The following GABRG3 variants were observed in gnomAD, a reference collection of about 807,000 sequenced individuals.
The protein encoded by GABRG3 is gamma-aminobutyric acid receptor subunit gamma-3.
In GABRG3, 25 loss-of-function variants were observed where a neutral mutation model predicts 48.8. That is an observed-to-expected ratio of 0.51 (90% CI 0.37 to 0.72). The LOEUF (loss-of-function observed/expected upper bound fraction) is 0.72. Among genes scored for constraint, GABRG3 ranks in the 30% least tolerant of loss-of-function variants. GABRG3 has a pLI of 0.00. For synonymous variants in GABRG3, 227 were observed against 217.6 expected (o/e 1.04, Z -0.38); for missense variants, 394 against 577.9 (o/e 0.68, Z 3.26).
At chr15:27,090,138 T>C (rs1237698196) in intron 3 of GABRG3, among the ~76,000 whole-genome samples, 2 of 152,216 alleles carry the variant, frequency 1.3e-5, no homozygotes, top group African/African-American at 4.8e-5. Context: ...ACCATACTTT[T>C]GAGTACCCAC....
chr15:27,099,304 C>T (rs1477178188), intron 3 of GABRG3, among the ~76,000 whole-genome samples: 1 of 152,160 alleles, frequency 6.6e-6, no homozygotes. Flanking sequence ...CCAAGCATCA[C>T]AGCCTGGGCA....
At chr15:27,308,397 A>C (rs898444332) in intron 3 of GABRG3, among the ~76,000 whole-genome samples, 2 of 145,318 alleles carry the variant, frequency 1.4e-5, no homozygotes, top group African/African-American at 2.5e-5. Context: ...ATAAACATAT[A>C]ATATAAACAT....
At position 27,518,369 on chromosome 15, in the gene GABRG3, CA is replaced by C. The variant is rs3058095; in HGVS notation, c.713-1590del. 5.8e-3 allele frequency among the ~76,000 whole-genome samples: 739 copies of C among 126,866 alleles called. 11 individuals are homozygous for C. The highest frequency in any genetic ancestry group is 0.019 in the African/African-American group (633 of 33,090). The allele number at this position is 126,866 out of a possible 152,430, so 83.2% of individuals were successfully genotyped here. A position where few individuals can be genotyped will look rare whatever the true frequency, so the allele number is the denominator to read the frequency against. ...GGGTGACAAGAGTGAAACTCTGTCT[CA>C]AAAAAAAAAAAATGGGACATCAGTG... On this transcript the variant is annotated intron_variant, in intron 6 of 9. Coordinates refer to ENST00000615808, the MANE Select transcript of GABRG3 (RefSeq NM_033223.5).
intron 3 of GABRG3, among the ~76,000 whole-genome samples, chr15:27,314,588 G>GT (rs1335899366): frequency 2.0e-5 from 3 of 152,146 alleles, no homozygotes; most frequent in Non-Finnish European, 4.4e-5. Flanking sequence ...TGAAATGAGG[G>GT]TCTTTCAAAG....
rs1890845608 is a variant in GABRG3 at position 27,263,994 on chromosome 15, C to T, written c.271-62815C>T. ...AGAGAAGCACAGGATGCTTTGAGAA[C>T]ATATACCGGGGAGACGTGCCAGATA... On this transcript the variant is annotated intron_variant, in intron 3 of 9. Transcript: ENST00000615808. 2.0e-5 allele frequency among the ~76,000 whole-genome samples: 3 copies of T among 151,500 alleles called. No homozygotes were observed. The South Asian group carries it at 6.2e-4, about 32-fold the overall frequency.
intron 5 of GABRG3, among the ~76,000 whole-genome samples, chr15:27,351,018 TATG>T (rs917296776): frequency 2.7e-5 from 4 of 150,812 alleles, no homozygotes; most frequent in African/African-American, 2.4e-5. Flanking sequence ...GTATGGTGTG[TATG>T]ATGTGTTTGT....
intron 3 of GABRG3, among the ~76,000 whole-genome samples, chr15:27,266,328 C>T (rs1890921552): frequency 6.6e-6 from 1 of 151,752 alleles, no homozygotes; most frequent in African/African-American, 2.4e-5. Flanking sequence ...GTACTTTATG[C>T]TGAAGATTAT....
intron 3 of GABRG3, among the ~76,000 whole-genome samples, chr15:27,101,134 C>G (rs1202814778): frequency 6.6e-6 from 1 of 152,154 alleles, no homozygotes; most frequent in African/African-American, 2.4e-5. Flanking sequence ...GATTATCACC[C>G]AAATTCAGTT....
At chr15:27,487,092 CTT>C (rs1487553552) in intron 6 of GABRG3, among the ~76,000 whole-genome samples, 1 of 152,160 alleles carries the variant, frequency 6.6e-6, no homozygotes, top group East Asian at 1.9e-4. Context: ...GTGTCAGTAT[CTT>C]TGTTCACAAG....
chr15:27,017,482 T>A (rs976127471), intron 2 of GABRG3, among the ~76,000 whole-genome samples: 1 of 152,182 alleles, frequency 6.6e-6, no homozygotes, highest in African/African-American at 2.4e-5. Flanking sequence ...TCATTGCCTC[T>A]GTTGTGAGTC....
chr15:27,453,535 T>C (rs892674523), intron 5 of GABRG3, among the ~76,000 whole-genome samples: 34 of 152,314 alleles, frequency 2.2e-4, no homozygotes, highest in African/African-American at 7.7e-4. Context: ...TCAGTAACCT[T>C]TGAAATCTCA....
intron 3 of GABRG3, among the ~76,000 whole-genome samples, chr15:27,145,959 C>T (rs1898201094): frequency 6.6e-6 from 1 of 151,940 alleles, no homozygotes; most frequent in African/African-American, 2.4e-5. Context: ...GAAAAATAGA[C>T]TCAAAGTGTT....
intron 5 of GABRG3, among the ~76,000 whole-genome samples, chr15:27,374,952 A>T (rs1325772257): frequency 2.6e-5 from 4 of 152,186 alleles, no homozygotes; most frequent in African/African-American, 7.2e-5. Flanking sequence ...GGACAATCAC[A>T]GACTGATGAC....
intron 3 of GABRG3, among the ~76,000 whole-genome samples, chr15:27,196,284 C>T (rs1888493499): frequency 6.6e-6 from 1 of 152,104 alleles, no homozygotes; most frequent in Non-Finnish European, 1.5e-5. Flanking sequence ...GTTTGAGTAT[C>T]ACCAAGACCT....
chr15:27,335,154 A>G (rs1893922363), intron 5 of GABRG3, among the ~76,000 whole-genome samples: 1 of 152,144 alleles, frequency 6.6e-6, no homozygotes. Flanking sequence ...TGCTATACCC[A>G]TTGGTAGACA....
intron 3 of GABRG3, among the ~76,000 whole-genome samples, chr15:27,247,851 A>T (rs1890315661): frequency 1.3e-5 from 2 of 152,170 alleles, no homozygotes; most frequent in Non-Finnish European, 2.9e-5. Context: ...TGAGAACAGT[A>T]TGGGGGAAAC....
intron 5 of GABRG3, among the ~76,000 whole-genome samples, chr15:27,336,871 C>A (rs1050409035): frequency 2.6e-5 from 4 of 152,166 alleles, no homozygotes; most frequent in Non-Finnish European, 5.9e-5. Flanking sequence ...ACTTGGTCTG[C>A]AACAGCATTC....
intron 3 of GABRG3, among the ~76,000 whole-genome samples, chr15:27,256,855 T>C (rs2140463736): frequency 6.6e-6 from 1 of 152,316 alleles, no homozygotes. Context: ...GTCCATGTCA[T>C]ATTGTGAATA....
chr15:27,255,897 C>CT (rs1555413003), intron 3 of GABRG3, among the ~76,000 whole-genome samples: 2 of 151,510 alleles, frequency 1.3e-5, no homozygotes, highest in African/African-American at 2.5e-5. Context: ...TGTTTAGTGA[C>CT]TTTTTACCCA....
Sources: gnomAD v4.1 joint callset for allele counts (sites outside exome capture counted in the v4.1 genomes callset) on GRCh38, gnomAD v4.1.1 for gene constraint, MANE v1.5 for transcripts, NCBI Gene and HGNC (gene_info 2026-07-23, HGNC 2026-07-21) for gene names.